KCNK13: variants seen among roughly 807,000 people sequenced by gnomAD.
KCNK13 encodes the protein potassium two pore domain channel subfamily K member 13.
In KCNK13, 12 loss-of-function variants were observed where a neutral mutation model predicts 23.4. That is an observed-to-expected ratio of 0.51 (90% confidence interval 0.33 to 0.83). The LOEUF (loss-of-function observed/expected upper bound fraction) is 0.83, where lower values mean the gene tolerates loss of function less well. Among genes scored for constraint, KCNK13 ranks in the 40% least tolerant of loss-of-function variants. KCNK13 has a pLI of 0.02. For synonymous variants in KCNK13, 231 were observed against 229.5 expected (o/e 1.01, Z -0.06); for missense variants, 463 against 556.3 (o/e 0.83, Z 1.69).
intron 1 of KCNK13, among the ~76,000 whole-genome samples, chr14:90,166,738 TTGGGTAGACTG>T (rs1306611448): frequency 6.6e-6 from 1 of 152,060 alleles, no homozygotes; most frequent in East Asian, 1.9e-4. Flanking sequence ...TCTTATTTAT[TTGGGTAGACTG>T]TGGGTCTACC....
intron 1 of KCNK13, among the ~76,000 whole-genome samples, chr14:90,172,316 C>A (rs375487203): frequency 1.3e-3 from 179 of 138,862 alleles, no homozygotes; most frequent in Admixed American, 2.5e-3. Flanking sequence ...GAGTCTATAT[C>A]AAAAAAAAAA....
chr14:90,109,230 A>G (rs926145401), intron 1 of KCNK13, among the ~76,000 whole-genome samples: 2 of 151,922 alleles, frequency 1.3e-5, no homozygotes, highest in Non-Finnish European at 2.9e-5. Flanking sequence ...GACTTGTAAG[A>G]TTATTAATTT....
chr14:90,160,317 G>T (rs930374547), intron 1 of KCNK13, among the ~76,000 whole-genome samples: 1 of 152,000 alleles, frequency 6.6e-6, no homozygotes. Flanking sequence ...GAATAAACTC[G>T]TCTAGAAGAC....
intron 1 of KCNK13, among the ~76,000 whole-genome samples, chr14:90,099,927 A>G (rs1889454073): frequency 6.6e-6 from 1 of 152,208 alleles, no homozygotes; most frequent in African/African-American, 2.4e-5. Flanking sequence ...ACATACACAC[A>G]AAACTCACAT....
At chr14:90,134,639 T>G (rs1230005510) in intron 1 of KCNK13, among the ~76,000 whole-genome samples, 1 of 152,204 alleles carries the variant, frequency 6.6e-6, no homozygotes, top group African/African-American at 2.4e-5. Flanking sequence ...TTTACATTAG[T>G]ATAGGATAAT....
chr14:90,180,761 G>A (rs920252607), intron 1 of KCNK13, among the ~76,000 whole-genome samples: 4 of 152,188 alleles, frequency 2.6e-5, no homozygotes, highest in Non-Finnish European at 5.9e-5. Flanking sequence ...CACTGTCTGT[G>A]CCTATGTCAC....
intron 1 of KCNK13, among the ~76,000 whole-genome samples, chr14:90,146,517 A>T (rs113865085): frequency 0.065 from 9,884 of 152,008 alleles, 417 homozygotes; most frequent in South Asian, 0.21. Context: ...GGTTTCACCA[A>T]GTTGGCCAGT....
chr14:90,149,829 A>G lies in KCNK13; in HGVS notation c.335-34282A>G, dbSNP rs1206270313. On this transcript the variant is annotated intron_variant, in intron 1 of 1. Coordinates refer to ENST00000282146, the MANE Select transcript of KCNK13 (RefSeq NM_022054.4). ...TTGAGTACACACTGAATTCAGAGAC[A>G]TGGGAGAGGGCAAAAGATGATTGAG... Among the ~76,000 whole-genome samples, 4 of 152,340 alleles carry G rather than the reference A, an allele frequency of 2.6e-5. No homozygotes were observed. In the East Asian group the frequency reaches 7.7e-4, roughly 29 times the overall value.
intron 1 of KCNK13, among the ~76,000 whole-genome samples, chr14:90,162,148 C>T (rs1169303755): frequency 6.6e-6 from 1 of 152,164 alleles, no homozygotes; most frequent in Non-Finnish European, 1.5e-5. Flanking sequence ...CACTGCACTC[C>T]ACCCTGGGCA....
intron 1 of KCNK13, among the ~76,000 whole-genome samples, chr14:90,099,823 A>G (rs1003694215): frequency 3.3e-5 from 5 of 152,250 alleles, no homozygotes; most frequent in Non-Finnish European, 5.9e-5. Context: ...TCCCAAAGCC[A>G]CATCCTTTCT....
In KCNK13 at chr14:90,119,729, A is replaced by G. The variant is rs145317809; in HGVS notation, c.334+57190A>G. The stretch of plus-strand genomic sequence containing the variant: ...ATTCTCCTGCCTCAGCCTCCCAGGT[A>G]GCTAGGATTACAGGCACCCAACACC... On this transcript the variant is annotated intron_variant, in intron 1 of 1. Transcript: ENST00000282146. 6.0e-3 allele frequency among the ~76,000 whole-genome samples: 909 copies of G among 152,224 alleles called. 10 individuals are homozygous for G. The highest frequency in any genetic ancestry group is 0.021 in the African/African-American group (866 of 41,498).
chr14:90,155,868 C>T (rs1396252898), intron 1 of KCNK13, among the ~76,000 whole-genome samples: 12 of 152,018 alleles, frequency 7.9e-5, no homozygotes, highest in African/African-American at 2.7e-4. Flanking sequence ...GCTGGATGCA[C>T]GAGTATGGAG....
rs1364390173 is a variant in KCNK13, at chr14:90,185,590, C to G, written c.*587C>G. 6.6e-6 allele frequency: 1 copy of G among 152,130 alleles called. No individual in the cohort carries two copies. Among genetic ancestry groups the G allele is most frequent in the Non-Finnish European group, 1.5e-5 (1 of 68,056 alleles). 9.4% of individuals were successfully genotyped at this position (152,130 alleles called of 1,614,324 possible). The stretch of plus-strand genomic sequence containing the variant: ...GTCCCTTTCTTTTTATTTTTAAGGC[C>G]TTAATGCCTGGCTGTGGCGTCTGTG... On this transcript the variant is annotated 3_prime_UTR_variant, in exon 2 of 2. Transcript: ENST00000282146.
chr14:90,102,866 A>C (rs778888591), intron 1 of KCNK13, among the ~76,000 whole-genome samples: 1 of 152,086 alleles, frequency 6.6e-6, no homozygotes. Context: ...GGTTTGTTAC[A>C]TGGGTGTATT....
intron 1 of KCNK13, among the ~76,000 whole-genome samples, chr14:90,095,418 C>G (rs902610629): frequency 6.6e-6 from 1 of 152,126 alleles, no homozygotes; most frequent in Non-Finnish European, 1.5e-5. Flanking sequence ...CCAAAACTTC[C>G]TAAAGCGATT....
At chr14:90,076,684 A>G (rs1889138467) in intron 1 of KCNK13, among the ~76,000 whole-genome samples, 1 of 152,210 alleles carries the variant, frequency 6.6e-6, no homozygotes, top group Admixed American at 6.5e-5. Flanking sequence ...GATAGTGTGT[A>G]GACAACTAAC....
chr14:90,141,913 G>A (rs1596796166), intron 1 of KCNK13, among the ~76,000 whole-genome samples: 1 of 151,996 alleles, frequency 6.6e-6, no homozygotes, highest in African/African-American at 2.4e-5. Flanking sequence ...CTCCCAAGTA[G>A]CTGGGACTAC....
chr14:90,097,105 C>T lies in KCNK13; in HGVS notation c.334+34566C>T, dbSNP rs527733723. Among the ~76,000 whole-genome samples the T allele has an allele frequency of 3.9e-5, 6 of 152,212 alleles. No individual in the cohort carries two copies. In the East Asian group the frequency reaches 7.7e-4, roughly 20 times the overall value. ...TTCTATATTTTGTTCTACCTCTTAC[C>T]GTAAACCCTCCTTCCTATACACCCA... is the stretch of plus-strand genomic sequence containing the variant. On this transcript the variant is annotated intron_variant, in intron 1 of 1. Coordinates refer to ENST00000282146, the MANE Select transcript of KCNK13 (RefSeq NM_022054.4).
intron 1 of KCNK13, chr14:90,107,633 T>C (rs1262058236): frequency 1.6e-6 from 1 of 618,848 alleles, no homozygotes; most frequent in African/African-American, 1.8e-5. Context: ...ATGCAATACC[T>C]ACAACTGAGG....
Sources: allele counts gnomAD v4.1 joint callset (sites outside exome capture counted in the v4.1 genomes callset), GRCh38; gene constraint gnomAD v4.1.1; transcripts MANE v1.5; gene names NCBI Gene and HGNC (gene_info 2026-07-23, HGNC 2026-07-21).